PIGG: variants seen among roughly 807,000 people sequenced by gnomAD.
PIGG encodes the protein GPI ethanolamine phosphate transferase 2, catalytic subunit.
In PIGG, 70 loss-of-function variants were observed where a neutral mutation model predicts 83.2. That is an observed-to-expected ratio of 0.84 (90% CI 0.69 to 1.03). The LOEUF is 1.03. PIGG is among the 50% of genes least tolerant of loss of function. PIGG has a pLI of 0.00. For missense variants in PIGG, 1,257 were observed against 1,233.6 expected, an observed-to-expected ratio of 1.02 and a Z score of -0.28; for synonymous variants, 532 against 519.5, an observed-to-expected ratio of 1.02 and a Z score of -0.33.
chr4:522,797 G>A (rs1135945), intron 8 of PIGG: 36,201 of 153,106 alleles, frequency 0.24, 4,545 homozygotes, highest in African/African-American at 0.33. Context: ...CTAGCTGCAC[G>A]CAGTATGTAG....
chr4:500,328 T>A, intron 1 of PIGG, 68 bp from the exon 2 acceptor site: 2 of 1,129,826 alleles, frequency 1.8e-6, no homozygotes, highest in African/African-American at 3.1e-5. Context: ...AGAAGCTAGA[T>A]TGTGAAGGTG....
intron 12 of PIGG, among the ~76,000 whole-genome samples, chr4:535,586 G>A (rs1730356839): frequency 6.6e-6 from 1 of 152,144 alleles, no homozygotes; most frequent in Non-Finnish European, 1.5e-5. Context: ...GGAGCGCGCT[G>A]TGGCCTCTCC....
chr4:506,331 G>A (rs542627313), intron 3 of PIGG, among the ~76,000 whole-genome samples: 25 of 152,322 alleles, frequency 1.6e-4, no homozygotes, highest in African/African-American at 5.1e-4. Context: ...TGCTGCAAGC[G>A]GAGCCTCATC....
chr4:540,043 T>TGTG lies in PIGG; in HGVS notation c.*677_*679dup, dbSNP rs1010817409. 2.0e-5 allele frequency: 3 copies of TGTG among 152,286 alleles called. No homozygotes were observed. The highest frequency in any genetic ancestry group is 7.2e-5 in the African/African-American group (3 of 41,460). The allele number at this position is 152,286 out of a possible 1,614,324, so 9.4% of individuals were successfully genotyped here. On this transcript the variant is annotated 3_prime_UTR_variant, in exon 13 of 13. Transcript: ENST00000453061. ...TTAGCTGGGCGTGATGGCACACACC[T>TGTG]GTGGTCCCAGCTACTCAGGTGGCTG...
In PIGG at chr4:521,898, C is replaced by T. The variant is rs773823984; in HGVS notation, c.1571C>T (p.Ser524Phe). 1.2e-6 allele frequency: 2 copies of T among 1,614,180 alleles called. No individual in the cohort carries two copies. Among genetic ancestry groups the T allele is most frequent in the Non-Finnish European group, 1.7e-6 (2 of 1,180,038 alleles). Residue 524 changes from serine to phenylalanine, a missense_variant, in exon 8 of 13, where the codon TCT becomes TTT. Physicochemically the swap from Ser to Phe is radical, Grantham distance 155. Transcript: ENST00000453061. ...LASALLCVIV[S>F]VLTNVLVGGN... ...TCGGCGCTGCTGTGTGTGATTGTGT[C>T]TGTTCTGACCAACGTGCTCGTGGGT...
At chr4:520,291 A>C (rs978269094) in intron 6 of PIGG, among the ~76,000 whole-genome samples, 2 of 152,238 alleles carry the variant, frequency 1.3e-5, no homozygotes, top group Admixed American at 1.3e-4. Flanking sequence ...TCTAATCACA[A>C]GTGAGTGTGG....
intron 1 of PIGG, chr4:500,177 T>C (rs1717106696): frequency 3.5e-6 from 2 of 575,004 alleles, no homozygotes; most frequent in Middle Eastern, 4.6e-4. Context: ...TGAGGATAAT[T>C]CACTGCTTGC....
chr4:521,998 G>T, intron 8 of PIGG, 57 bp downstream of exon 8: 1 of 1,580,062 alleles, frequency 6.3e-7, no homozygotes, highest in South Asian at 1.1e-5. Context: ...GGTTGTTCTT[G>T]TTATTTCAGG....
chr4:512,686 G>T (rs1170014459), intron 5 of PIGG, among the ~76,000 whole-genome samples: 2 of 151,590 alleles, frequency 1.3e-5, no homozygotes, highest in Admixed American at 1.3e-4. Context: ...GTGGTGGTGG[G>T]CGCCTGTAAT....
chr4:539,297 G>T lies in PIGG; in HGVS notation c.2880G>T (p.Met960Ile), dbSNP rs1320342687. The change falls in exon 13 of 13, where the codon ATG becomes ATT. Residue 960 changes from methionine (M) to isoleucine (I), a missense_variant. Physicochemically the swap from Met to Ile is conservative, Grantham distance 10. Coordinates refer to ENST00000453061, the MANE Select transcript of PIGG (RefSeq NM_001127178.3). Reference sequence around the variant, plus strand: ...CTCCAAAACTTCTCTACGAGGGAATGCACCTGCTCATTACAGCTGCTGTCT... The same window carrying T: ...CTCCAAAACTTCTCTACGAGGGAATTCACCTGCTCATTACAGCTGCTGTCT... ...VFSPKLLYEGMHLLITAAVCV... is the reference protein window; with the variant it reads ...VFSPKLLYEGIHLLITAAVCV... 1 of 1,613,632 alleles carries T rather than the reference G, an allele frequency of 6.2e-7. No homozygotes were observed. The highest frequency in any genetic ancestry group is 8.5e-7 in the Non-Finnish European group (1 of 1,179,672).
chr4:513,044 G>A (rs1264655332), intron 5 of PIGG, among the ~76,000 whole-genome samples: 1 of 152,178 alleles, frequency 6.6e-6, no homozygotes, highest in Non-Finnish European at 1.5e-5. Flanking sequence ...ACTGGGCTAG[G>A]AGGGGGAGGG....
intron 6 of PIGG, among the ~76,000 whole-genome samples, chr4:520,695 G>A (rs985180081): frequency 3.7e-4 from 56 of 152,206 alleles, no homozygotes; most frequent in Non-Finnish European, 1.0e-4. Context: ...TATATTGCAC[G>A]TTGACAAGAA....
At chr4:537,173 A>G (rs1730869666) in intron 12 of PIGG, 1 of 152,170 alleles carries the variant, frequency 6.6e-6, no homozygotes, top group Non-Finnish European at 1.5e-5. Context: ...ATTTTGTTTC[A>G]GTAGAGTAGG....
intron 2 of PIGG, 47 bp from the exon 3 acceptor site, chr4:505,671 T>G: frequency 3.0e-6 from 4 of 1,352,890 alleles, no homozygotes; most frequent in Non-Finnish European, 3.1e-6. Flanking sequence ...CTTTTCATGC[T>G]CCGGTTTTGG....
intron 12 of PIGG, among the ~76,000 whole-genome samples, chr4:535,935 G>A (rs1016280491): frequency 6.6e-5 from 10 of 152,272 alleles, no homozygotes; most frequent in South Asian, 6.2e-4. Context: ...TCGACATTCC[G>A]CAGAGGTGTC....
chr4:526,839 C>T, intron 9 of PIGG, 200 bp from the exon 10 acceptor site: 1 of 641,612 alleles, frequency 1.6e-6, no homozygotes, highest in South Asian at 1.9e-5. Context: ...TGAGCCACCA[C>T]ACCCCACTGA....
intron 5 of PIGG, among the ~76,000 whole-genome samples, chr4:513,139 G>GT (rs1722766167): frequency 6.6e-6 from 1 of 152,086 alleles, no homozygotes; most frequent in African/African-American, 2.4e-5. Flanking sequence ...AGATTTCTTT[G>GT]TTTGTTCTGT....
intron 6 of PIGG, among the ~76,000 whole-genome samples, chr4:520,583 A>G (rs1308054907): frequency 1.3e-5 from 2 of 152,250 alleles, no homozygotes; most frequent in Admixed American, 6.5e-5. Context: ...GGTGTGGCAG[A>G]GAAGGGTCAG....
In PIGG at chr4:505,656, G is replaced by C. The variant is rs184959331; in HGVS notation, c.361-62G>C. 7.2e-6 allele frequency: 8 copies of C among 1,103,468 alleles called. No homozygotes were observed. In the African/African-American group the frequency reaches 1.1e-4, roughly 15 times the overall value. The allele number at this position is 1,103,468 out of a possible 1,614,324, so 68.4% of individuals were successfully genotyped here. A position where few individuals can be genotyped will look rare whatever the true frequency, so the allele number is the denominator to read the frequency against. On this transcript the variant is annotated intron_variant, in intron 2 of 12. Coordinates refer to ENST00000453061, the MANE Select transcript of PIGG (RefSeq NM_001127178.3). The stretch of plus-strand genomic sequence containing the variant: ...TCAAAAAAAAAAAAAAAAATCTTCA[G>C]TGCCCTTTTCATGCTCCGGTTTTGG...
Sources: allele counts gnomAD v4.1 joint callset (sites outside exome capture counted in the v4.1 genomes callset), GRCh38; gene constraint gnomAD v4.1.1; transcripts MANE v1.5; gene names NCBI Gene and HGNC (gene_info 2026-07-23, HGNC 2026-07-21).